EXOC6B: variants seen among roughly 807,000 people sequenced by gnomAD.
The protein encoded by EXOC6B is exocyst complex component 6B, also known as SEC15 homolog B.
A neutral mutation model predicts 113.5 loss-of-function variants in EXOC6B; 54 were observed. The observed-to-expected ratio is 0.48, with a 90% CI of 0.38 to 0.60. EXOC6B has a LOEUF of 0.60. Among genes scored for constraint, EXOC6B ranks in the 20% least tolerant of loss-of-function variants. The pLI is 0.00. For synonymous variants in EXOC6B, 357 were observed against 339.0 expected (o/e 1.05, Z -0.58); for missense variants, 797 against 977.5 (o/e 0.82, Z 2.46).
chr2:72,631,453 TATATATATAGAGAGAGAGAGAG>T (rs1672438466), intron 6 of EXOC6B, among the ~76,000 whole-genome samples: 8 of 33,964 alleles, frequency 2.4e-4, no homozygotes, highest in African/African-American at 8.4e-4. Context: ...TATATATATA[TATATATATAGAGAGAGAGAGAG>T]AGAGAGAGAG....
intron 20 of EXOC6B, among the ~76,000 whole-genome samples, chr2:72,271,139 G>C (rs1684456907): frequency 6.6e-6 from 1 of 152,146 alleles, no homozygotes; most frequent in Admixed American, 6.6e-5. Flanking sequence ...TGAGGGAACA[G>C]GTGGTATGAG....
intron 19 of EXOC6B, among the ~76,000 whole-genome samples, chr2:72,342,288 G>GA (rs1030883248): frequency 6.6e-6 from 1 of 151,766 alleles, no homozygotes; most frequent in African/African-American, 2.4e-5. Flanking sequence ...ATAGAGACTA[G>GA]AAAAAAATAG....
chr2:72,534,518 CTTGA>C (rs1288699453), intron 8 of EXOC6B, among the ~76,000 whole-genome samples: 2 of 151,992 alleles, frequency 1.3e-5, no homozygotes, highest in African/African-American at 4.8e-5. Flanking sequence ...ACCTAAGAGG[CTTGA>C]TTGAGGTAAG....
At chr2:72,582,405 T>C (rs1340227681) in intron 6 of EXOC6B, among the ~76,000 whole-genome samples, 1 of 152,016 alleles carries the variant, frequency 6.6e-6, no homozygotes, top group African/African-American at 2.4e-5. Flanking sequence ...TGATCCCAGC[T>C]ATTCTGGAGG....
At chr2:72,823,086 T>A (rs1288883387) in intron 1 of EXOC6B, among the ~76,000 whole-genome samples, 1 of 150,894 alleles carries the variant, frequency 6.6e-6, no homozygotes, top group Non-Finnish European at 1.5e-5. Context: ...TGGGTACTCC[T>A]TGTATTATAG....
chr2:72,326,568 CT>C (rs1688139760), intron 20 of EXOC6B, among the ~76,000 whole-genome samples: 2 of 152,048 alleles, frequency 1.3e-5, no homozygotes, highest in Non-Finnish European at 2.9e-5. Flanking sequence ...GAACCAATGC[CT>C]TCAAACTGAC....
chr2:72,323,984 C>A (rs1009104916), intron 20 of EXOC6B, among the ~76,000 whole-genome samples: 5 of 149,070 alleles, frequency 3.4e-5, no homozygotes. Context: ...AAAGTATAAT[C>A]AAAATAAATA....
chr2:72,629,160 T>C (rs1278351726), intron 6 of EXOC6B, among the ~76,000 whole-genome samples: 1 of 152,242 alleles, frequency 6.6e-6, no homozygotes. Context: ...AAAGATATTC[T>C]GCTTCACTTA....
At chr2:72,617,297 G>T (rs1003972977) in intron 6 of EXOC6B, among the ~76,000 whole-genome samples, 3 of 152,084 alleles carry the variant, frequency 2.0e-5, no homozygotes, top group Non-Finnish European at 4.4e-5. Context: ...CAATTCTGGG[G>T]TCTGGAGGAT....
intron 18 of EXOC6B, among the ~76,000 whole-genome samples, chr2:72,390,791 C>G (rs769036949): frequency 6.6e-6 from 1 of 152,152 alleles, no homozygotes; most frequent in Admixed American, 6.6e-5. Context: ...TCCCCACCCC[C>G]ATCTCTTCAT....
chr2:72,305,547 T>G (rs1185266856), intron 20 of EXOC6B, among the ~76,000 whole-genome samples: 1 of 152,126 alleles, frequency 6.6e-6, no homozygotes, highest in Admixed American at 6.6e-5. Flanking sequence ...AAGTAGATTA[T>G]GATTATTAAG....
intron 19 of EXOC6B, among the ~76,000 whole-genome samples, chr2:72,369,580 T>C (rs1225498448): frequency 1.3e-5 from 2 of 152,086 alleles, no homozygotes; most frequent in African/African-American, 4.8e-5. Flanking sequence ...AAGAACAAAG[T>C]TGGAGGCATC....
intron 6 of EXOC6B, among the ~76,000 whole-genome samples, chr2:72,597,350 A>G (rs1317253556): frequency 6.6e-6 from 1 of 151,838 alleles, no homozygotes; most frequent in African/African-American, 2.4e-5. Context: ...CCTACTATGA[A>G]GCATTACACT....
intron 18 of EXOC6B, among the ~76,000 whole-genome samples, chr2:72,441,581 A>T (rs1696203779): frequency 6.6e-6 from 1 of 152,228 alleles, no homozygotes; most frequent in South Asian, 2.1e-4. Flanking sequence ...ACCCGCAGAA[A>T]TACAAATAAC....
chr2:72,671,771 G>GAAAGAAAGAAAGAAAGAAAGAAAGAA (rs1675841655), intron 6 of EXOC6B, among the ~76,000 whole-genome samples: 1 of 88,262 alleles, frequency 1.1e-5, no homozygotes, highest in African/African-American at 5.5e-5. Context: ...AAGAAAGAAA[G>GAAAGAAAGAAAGAAAGAAAGAAAGAA]AAAGAAAGAA....
chr2:72,417,963 T>C (rs1694632900), intron 18 of EXOC6B, among the ~76,000 whole-genome samples: 1 of 152,164 alleles, frequency 6.6e-6, no homozygotes, highest in Non-Finnish European at 1.5e-5. Context: ...GGAGTTTCCA[T>C]GCTTAAAATT....
chr2:72,514,364 T>C (rs1701102054), intron 10 of EXOC6B, among the ~76,000 whole-genome samples: 1 of 151,984 alleles, frequency 6.6e-6, no homozygotes, highest in Non-Finnish European at 1.5e-5. Flanking sequence ...GTAATAAGAT[T>C]ACAATTCAAT....
At chr2:72,465,850 T>C (rs1573186659) in intron 17 of EXOC6B, among the ~76,000 whole-genome samples, 1 of 152,300 alleles carries the variant, frequency 6.6e-6, no homozygotes, top group South Asian at 2.1e-4. Context: ...AACTCTGTCT[T>C]CCCGTGGAAT....
chr2:72,298,148 C>A (rs1473488934), intron 20 of EXOC6B, among the ~76,000 whole-genome samples: 1 of 152,136 alleles, frequency 6.6e-6, no homozygotes, highest in Non-Finnish European at 1.5e-5. Flanking sequence ...TATCTAAGAA[C>A]TTGCTTTATG....
Sources: gnomAD v4.1 joint callset for allele counts (sites outside exome capture counted in the v4.1 genomes callset) on GRCh38, gnomAD v4.1.1 for gene constraint, MANE v1.5 for transcripts, NCBI Gene and HGNC (gene_info 2026-07-23, HGNC 2026-07-21) for gene names.